The following PCDHGA4 variants were observed in gnomAD, a reference collection of about 807,000 sequenced individuals.
The protein encoded by PCDHGA4 is protocadherin gamma subfamily A, 4, also known as protocadherin gamma-A4.
Under a neutral mutation model 54.6 loss-of-function variants are expected in PCDHGA4, and 38 were observed. That is an observed-to-expected ratio of 0.70 (90% CI 0.54 to 0.91). The LOEUF (loss-of-function observed/expected upper bound fraction) is 0.91, where lower values mean the gene tolerates loss of function less well. PCDHGA4 is among the 40% of genes least tolerant of loss of function. The probability of loss-of-function intolerance (pLI) is 0.00; values close to 1 mark genes in which losing one functional copy is unlikely to be tolerated. For missense variants in PCDHGA4, 1,298 were observed against 1,220.9 expected (o/e 1.06, Z -0.94); for synonymous variants, 511 against 512.9 (o/e 1.00, Z 0.05).
At chr5:141,464,227 T>C (rs539811399) in intron 1 of PCDHGA4, among the ~76,000 whole-genome samples, 58 of 147,282 alleles carry the variant, frequency 3.9e-4, no homozygotes, top group Admixed American at 2.5e-3. Flanking sequence ...ATTGCGCCAC[T>C]GCACTCCAGC....
chr5:141,433,939 A>T (rs1015984226), intron 1 of PCDHGA4, among the ~76,000 whole-genome samples: 2 of 151,714 alleles, frequency 1.3e-5, no homozygotes, highest in Non-Finnish European at 2.9e-5. Context: ...TTATAATTCC[A>T]TTGTTTCTTC....
chr5:141,358,387 G>T (rs1447702123), intron 1 of PCDHGA4, among the ~76,000 whole-genome samples: 1 of 152,144 alleles, frequency 6.6e-6, no homozygotes, highest in East Asian at 1.9e-4. Flanking sequence ...ACCATGCTTT[G>T]CTTGAAGTTT....
intron 1 of PCDHGA4, among the ~76,000 whole-genome samples, chr5:141,444,152 ATTTTTTTTTTTT>A (rs747671382): frequency 5.9e-4 from 20 of 33,896 alleles, no homozygotes; most frequent in African/African-American, 1.8e-3. Flanking sequence ...TGTGTACTGG[ATTTTTTTTTTTT>A]TTTTTTTTTT....
intron 1 of PCDHGA4, chr5:141,362,423 CAG>C (rs763364016): frequency 6.2e-7 from 1 of 1,614,052 alleles, no homozygotes; most frequent in Admixed American, 1.7e-5. Context: ...TCAGCCAAGA[CAG>C]AGTTCAATTT....
At chr5:141,362,647 G>A (rs1762612378) in intron 1 of PCDHGA4, 3 of 1,443,954 alleles carry the variant, frequency 2.1e-6, no homozygotes, top group South Asian at 1.4e-5. Context: ...TTGTCTGTGA[G>A]TTAGATTTGG....
rs777710801 is a variant in PCDHGA4, at chr5:141,400,340, A to G, written c.2514+42719A>G. On this transcript the variant is annotated intron_variant, in intron 1 of 3. Transcript: ENST00000571252. ...AAGTCTGGACCTGTGGTTCCCCCCA[A>G]CTACAGTCAGGGGACTTTGCCTTAT... The G allele has an allele frequency of 5.0e-6, 8 of 1,613,856 alleles. No homozygotes were observed. The highest frequency in any genetic ancestry group is 1.3e-5 in the African/African-American group (1 of 74,922).
intron 2 of PCDHGA4, among the ~76,000 whole-genome samples, chr5:141,501,907 G>T (rs4912761): frequency 0.59 from 89,145 of 151,782 alleles, 27,774 homozygotes; most frequent in African/African-American, 0.8. Context: ...CAACCCCACT[G>T]TTCCACTCAG....
At chr5:141,418,806 C>A in intron 1 of PCDHGA4, 1 of 1,613,696 alleles carries the variant, frequency 6.2e-7, no homozygotes, top group Non-Finnish European at 8.5e-7. Context: ...GAAAGATATA[C>A]GATAAACATA....
In PCDHGA4 at chr5:141,485,441, A is replaced by G. The variant is rs1562105312; in HGVS notation, c.2515-9366A>G. ...CGGAGCCCTGCTCATCAAGAACCCA[A>G]TCGACCGAGAGGCACTGTGTGGGCT... On this transcript the variant is annotated intron_variant, in intron 1 of 3. Transcript: ENST00000571252. The surrounding 1 kb of genome is among the most constrained non-coding windows in gnomAD (Gnocchi z 5.7). 3 of 1,613,910 alleles carry G rather than the reference A, an allele frequency of 1.9e-6. No homozygotes were observed. Among genetic ancestry groups the G allele is most frequent in the South Asian group, 1.1e-5 (1 of 91,062 alleles).
At chr5:141,463,796 G>T (rs139760353) in intron 1 of PCDHGA4, among the ~76,000 whole-genome samples, 3 of 152,114 alleles carry the variant, frequency 2.0e-5, no homozygotes, top group Non-Finnish European at 2.9e-5. Flanking sequence ...TTGAACAAAT[G>T]TCTAAAAGCT....
Position 141,489,087 on chromosome 5 carries a change from TGA to T in PCDHGA4, c.2515-5719_2515-5718del. The T allele has an allele frequency of 4.6e-6, 1 of 216,098 alleles. No individual in the cohort carries two copies. 13.4% of individuals were successfully genotyped at this position (216,098 alleles called of 1,614,324 possible). ...CCCCCTGCCCACCCCCGCCACTCGGTGACTAAGAACTGCTGCAAGCAGGCAAA... is the reference window on the plus strand; with the variant it reads ...CCCCCTGCCCACCCCCGCCACTCGGTCTAAGAACTGCTGCAAGCAGGCAAA... On this transcript the variant is annotated intron_variant, in intron 1 of 3. Transcript: ENST00000571252. The surrounding 1 kb of genome is among the most constrained non-coding windows in gnomAD (Gnocchi z 4.5).
chr5:141,366,103 G>T, intron 1 of PCDHGA4: 1 of 1,614,244 alleles, frequency 6.2e-7, no homozygotes, highest in Non-Finnish European at 8.5e-7. Flanking sequence ...TGACCAAGGT[G>T]GTAGCGGTGG....
chr5:141,399,162 C>T (rs1174255078), intron 1 of PCDHGA4: 1 of 1,613,664 alleles, frequency 6.2e-7, no homozygotes, highest in South Asian at 1.1e-5. Context: ...AAGTTACATT[C>T]CATTCTCTAC....
At chr5:141,415,740 GTT>G (rs57426385) in intron 1 of PCDHGA4, 13,277 of 614,848 alleles carry the variant, frequency 0.022, 3 homozygotes, top group South Asian at 0.023. Context: ...GTTTATTAAG[GTT>G]TTTTTTTTTT....
chr5:141,374,327 G>C (rs766746841), intron 1 of PCDHGA4: 24 of 1,613,984 alleles, frequency 1.5e-5, no homozygotes, highest in Non-Finnish European at 2.0e-5. Context: ...TCCGCGAAAC[G>C]GCAGCTTGGT....
intron 1 of PCDHGA4, chr5:141,377,978 G>C (rs1774513116): frequency 6.6e-6 from 1 of 151,944 alleles, no homozygotes; most frequent in South Asian, 2.1e-4. Flanking sequence ...TATGTTCCTG[G>C]GTTGCAATCC....
In PCDHGA4 at chr5:141,511,445, A is replaced by G; in HGVS notation, c.*272A>G. ...GGTAGTGGGGTTACTGTAGACACCA[A>G]GAACCATTTGCCACACCCCGTTTAG... On this transcript the variant is annotated 3_prime_UTR_variant, in exon 4 of 4. Coordinates refer to ENST00000571252, the MANE Select transcript of PCDHGA4 (RefSeq NM_018917.4). 4.5e-6 allele frequency: 3 copies of G among 659,774 alleles called. No individual in the cohort carries two copies. Among genetic ancestry groups the G allele is most frequent in the Non-Finnish European group, 4.9e-6 (2 of 412,228 alleles). 40.9% of individuals were successfully genotyped at this position (659,774 alleles called of 1,614,324 possible). A position where few individuals can be genotyped will look rare whatever the true frequency, so the allele number is the denominator to read the frequency against.
At chr5:141,388,133 G>T (rs2091251188) in intron 1 of PCDHGA4, 3 of 1,450,776 alleles carry the variant, frequency 2.1e-6, no homozygotes. Flanking sequence ...AGAGCGGGGA[G>T]TTGCTTGTGA....
intron 2 of PCDHGA4, among the ~76,000 whole-genome samples, chr5:141,498,421 A>C (rs1328848787): frequency 6.6e-6 from 1 of 152,016 alleles, no homozygotes; most frequent in Non-Finnish European, 1.5e-5. Flanking sequence ...CTGGCACTGG[A>C]GTGAGGGGAT....
Sources: gnomAD v4.1 joint callset for allele counts (sites outside exome capture counted in the v4.1 genomes callset) on GRCh38, gnomAD v4.1.1 for gene constraint, Gnocchi (gnomAD v3.1) non-coding constraint, MANE v1.5 for transcripts, NCBI Gene and HGNC (gene_info 2026-07-23, HGNC 2026-07-21) for gene names.